Variants in ADGRD1 observed in about 807,000 individuals in gnomAD.
The protein encoded by ADGRD1 is G-protein coupled receptor 133.
In ADGRD1, 77 loss-of-function variants were observed where a neutral mutation model predicts 113.4. The ratio of observed to expected loss-of-function variants is 0.68; its 90% CI spans 0.57 to 0.82. ADGRD1 has a LOEUF of 0.82. Ranked by LOEUF, ADGRD1 falls within the 40% of genes least tolerant of loss-of-function variation. ADGRD1 has a pLI of 0.00. For synonymous variants in ADGRD1, 474 were observed against 475.0 expected (o/e 1.00, Z 0.03); for missense variants, 1,036 against 1,139.1 (o/e 0.91, Z 1.30).
At chr12:131,124,293 A>C (rs940320321) in intron 20 of ADGRD1, among the ~76,000 whole-genome samples, 1 of 152,238 alleles carries the variant, frequency 6.6e-6, no homozygotes, top group African/African-American at 2.4e-5. Context: ...TAAAAGCTCT[A>C]TATGGGTACA....
At position 131,006,039 on chromosome 12, in the gene ADGRD1, C is replaced by T; in HGVS notation, c.1323C>T (p.Ala441=). 1 of 1,612,760 alleles carries T rather than the reference C, an allele frequency of 6.2e-7. No individual in the cohort carries two copies. Among genetic ancestry groups the T allele is most frequent in the Non-Finnish European group, 8.5e-7 (1 of 1,179,890 alleles). Residue 441 remains alanine, a synonymous_variant, in exon 12 of 25, where the codon GCC becomes GCT. Coordinates refer to ENST00000261654, the MANE Select transcript of ADGRD1 (RefSeq NM_198827.5). The stretch of plus-strand genomic sequence containing the variant: ...ACTACCTGAACAACATCTGGCCCGC[C>T]CACACCAAGTGAGTCTCGGGGGTGC... ...MHYYLNNIWP[A]HTKIAEAMHH... is the part of the protein sequence containing the mutation.
intron 13 of ADGRD1, chr12:131,023,980 A>AC (rs1372975520): frequency 2.6e-5 from 4 of 152,144 alleles, no homozygotes; most frequent in African/African-American, 4.8e-5. Context: ...TCTGCTCCTG[A>AC]CCCTGGTGTG....
chr12:130,992,419 G>A (rs1874534751), intron 8 of ADGRD1, 27 bp downstream of exon 8: 2 of 1,598,624 alleles, frequency 1.3e-6, no homozygotes, highest in Non-Finnish European at 1.7e-6. Flanking sequence ...TCTGTGTCTG[G>A]TGGACCGGGC....
At chr12:131,112,424 G>A (rs1343720909) in intron 18 of ADGRD1, among the ~76,000 whole-genome samples, 1 of 152,136 alleles carries the variant, frequency 6.6e-6, no homozygotes, top group Non-Finnish European at 1.5e-5. Context: ...GGGTATTTTT[G>A]AGGCCAGTCT....
intron 12 of ADGRD1, among the ~76,000 whole-genome samples, chr12:131,008,335 A>G (rs1355483267): frequency 6.6e-6 from 1 of 152,222 alleles, no homozygotes; most frequent in Non-Finnish European, 1.5e-5. Context: ...GCCAGCCTGC[A>G]GGGGACTTCC....
chr12:131,139,467 G>A lies in ADGRD1; in HGVS notation c.*204G>A, dbSNP rs531890287. 1.4e-5 allele frequency: 8 copies of A among 562,108 alleles called. No homozygotes were observed. Among genetic ancestry groups the A allele is most frequent in the Non-Finnish European group, 2.6e-5 (8 of 310,910 alleles). 34.8% of individuals were successfully genotyped at this position (562,108 alleles called of 1,614,324 possible). On this transcript the variant is annotated 3_prime_UTR_variant, in exon 25 of 25. Coordinates refer to ENST00000261654, the MANE Select transcript of ADGRD1 (RefSeq NM_198827.5). The stretch of plus-strand genomic sequence containing the variant: ...GCAGCCTGATGCCCAGGCCAGCGTG[G>A]GCCCTCCTGCCTTGCATCCACCCGT...
chr12:131,113,267 C>CTT lies in ADGRD1; in HGVS notation c.2041+4399_2041+4400dup, dbSNP rs5801954. Among the ~76,000 whole-genome samples the CTT allele has an allele frequency of 4.3e-4, 65 of 150,660 alleles. 1 individual carries two copies. The South Asian group carries it at 0.011, about 24-fold the overall frequency. ...CTTTAAATGATTATGTTTTTTAAAA[C>CTT]TTTTTTTTTTCAGTGATAGCTGTCT... is the stretch of plus-strand genomic sequence containing the variant. On this transcript the variant is annotated intron_variant, in intron 18 of 24. Transcript: ENST00000261654. This position sits in a 1 kb window ranked among gnomAD's most constrained non-coding sequence, Gnocchi z 4.9.
chr12:130,978,382 T>G (rs1872571363), intron 4 of ADGRD1: 1 of 152,202 alleles, frequency 6.6e-6, no homozygotes, highest in Non-Finnish European at 1.5e-5. Context: ...CCTCATTTTA[T>G]TTTTTGGATG....
intron 7 of ADGRD1, 174 bp downstream of exon 7, chr12:130,991,252 A>G (rs1279679744): frequency 3.8e-6 from 2 of 525,354 alleles, no homozygotes; most frequent in African/African-American, 3.9e-5. Flanking sequence ...TCTTGGTGCT[A>G]AGAGTGACTG....
intron 15 of ADGRD1, among the ~76,000 whole-genome samples, chr12:131,087,910 T>C (rs76686268): frequency 1.3e-5 from 2 of 152,328 alleles, no homozygotes; most frequent in African/African-American, 4.8e-5. Flanking sequence ...AAACAGTTCC[T>C]GGGTTTAAAT....
intron 13 of ADGRD1, among the ~76,000 whole-genome samples, chr12:131,031,169 G>A (rs985500861): frequency 2.6e-5 from 4 of 152,172 alleles, no homozygotes; most frequent in African/African-American, 7.2e-5. Flanking sequence ...GCCTTGGGGG[G>A]TCCTGTCGAA....
At position 131,084,637 on chromosome 12, in the gene ADGRD1, A is replaced by G. The variant is rs1484470803; in HGVS notation, c.1645A>G (p.Ile549Val). 6.2e-7 allele frequency: 1 copy of G among 1,614,070 alleles called. No individual in the cohort carries two copies. The highest frequency in any genetic ancestry group is 8.5e-7 in the Non-Finnish European group (1 of 1,180,008). The change falls in exon 15 of 25, where the codon ATC becomes GTC. Residue 549 changes from isoleucine (I) to valine (V), a missense_variant. Coordinates refer to ENST00000261654, the MANE Select transcript of ADGRD1 (RefSeq NM_198827.5). This position sits in a 1 kb window ranked among gnomAD's most constrained non-coding sequence, Gnocchi z 4.5. The part of the protein sequence containing the change: ...CRCTHLTNFA[I>V]LMQVVPLELA... The stretch of plus-strand genomic sequence containing the variant: ...CTGCACTCACCTCACCAACTTTGCC[A>G]TCCTCATGCAGGTGGTCCCGCTGGA...
rs1250388244 is a variant in ADGRD1 at position 131,138,243 on chromosome 12, C to T, written c.2529+14C>T. 1.2e-6 allele frequency: 2 copies of T among 1,608,618 alleles called. No individual in the cohort carries two copies. Among genetic ancestry groups the T allele is most frequent in the Non-Finnish European group, 1.7e-6 (2 of 1,175,968 alleles). ...CACTCGGACCTCGTGAGTGCAGCCT[C>T]CATAAACCGAGGGTCCCAGCCCATC... is the stretch of plus-strand genomic sequence containing the variant. On this transcript the variant is annotated intron_variant, in intron 24 of 24. Coordinates refer to ENST00000261654, the MANE Select transcript of ADGRD1 (RefSeq NM_198827.5).
chr12:130,956,746 T>A (rs1169630349), intron 2 of ADGRD1: 1 of 152,264 alleles, frequency 6.6e-6, no homozygotes, highest in African/African-American at 2.4e-5. Flanking sequence ...CTTCTGCTTA[T>A]GATACAGAGC....
At chr12:131,052,217 G>C (rs1435734569) in intron 13 of ADGRD1, among the ~76,000 whole-genome samples, 1 of 152,130 alleles carries the variant, frequency 6.6e-6, no homozygotes, top group Non-Finnish European at 1.5e-5. Flanking sequence ...GGAACACTGG[G>C]CTGTGCGAGC....
rs576174734 is a variant in ADGRD1 at position 131,017,515 on chromosome 12, C to T, written c.1473+3175C>T. Among the ~76,000 whole-genome samples the T allele has an allele frequency of 9.7e-4, 146 of 150,914 alleles. 1 individual carries two copies. Among genetic ancestry groups the T allele is most frequent in the African/African-American group, 3.5e-3 (143 of 41,064 alleles). On this transcript the variant is annotated intron_variant, in intron 13 of 24. Transcript: ENST00000261654. ...AGTCCACACACACCCCATCTACACC[C>T]ACCCAGCACAGACACACACACCCAG...
At chr12:131,130,085 G>T (rs9668061) in intron 20 of ADGRD1, among the ~76,000 whole-genome samples, 15,572 of 152,336 alleles carry the variant, frequency 0.1, 845 homozygotes, top group African/African-American at 0.14. Context: ...GCTCCCGCTT[G>T]CTGCTCCTAG....
intron 13 of ADGRD1, chr12:131,030,736 T>C (rs1880621885): frequency 2.0e-5 from 3 of 152,232 alleles, no homozygotes; most frequent in Admixed American, 2.0e-4. Flanking sequence ...GTGGATGCCA[T>C]GGAGTGTGGC....
At chr12:130,991,279 C>A in intron 7 of ADGRD1, 1 of 488,978 alleles carries the variant, frequency 2.0e-6, no homozygotes, top group Non-Finnish European at 3.6e-6. Context: ...AAACTCTCAA[C>A]TCCTGCCACC....
Sources: allele counts gnomAD v4.1 joint callset (sites outside exome capture counted in the v4.1 genomes callset), GRCh38; gene constraint gnomAD v4.1.1; non-coding constraint Gnocchi (gnomAD v3.1); transcripts MANE v1.5; gene names NCBI Gene and HGNC (gene_info 2026-07-23, HGNC 2026-07-21).